Variants in ZNF844 observed in about 807,000 individuals in gnomAD.
ZNF844 encodes the protein zinc finger protein 844.
ZNF844 carries 11 observed loss-of-function variants against 11.4 expected under a neutral mutation model. The ratio of observed to expected loss-of-function variants is 0.97; its 90% CI spans 0.61 to 1.60. ZNF844 has a LOEUF of 1.60. Ranked by LOEUF, ZNF844 falls within the 40% of genes most tolerant of loss-of-function variation. The pLI is 0.00. For synonymous variants in ZNF844, 248 were observed against 260.3 expected (o/e 0.95, Z 0.46); for missense variants, 790 against 796.8 (o/e 0.99, Z 0.10).
chr19:12,079,705 G>A lies in ZNF844; in HGVS notation c.*2584G>A, dbSNP rs1173020784. 6.6e-6 allele frequency: 1 copy of A among 152,068 alleles called. No individual in the cohort carries two copies. The highest frequency in any genetic ancestry group is 1.5e-5 in the Non-Finnish European group (1 of 68,170). The allele number at this position is 152,068 out of a possible 1,614,324, so 9.4% of individuals were successfully genotyped here. A position where few individuals can be genotyped will look rare whatever the true frequency, so the allele number is the denominator to read the frequency against. ...CACGCCTGTAATCCCAGCACTTTGG[G>A]AGACCAAGGCAGGCAGATCACCTGA... On this transcript the variant is annotated 3_prime_UTR_variant, in exon 4 of 4. Coordinates refer to ENST00000439326, the MANE Select transcript of ZNF844 (RefSeq NM_001136501.3).
In ZNF844 at chr19:12,078,299, AT is replaced by A. The variant is rs1367710478; in HGVS notation, c.*1179del. ...GCACCACCACACTTGGCTAATTTTTATATTTTTAGTAGAGATGAGGTCTCAC... is the reference window on the plus strand; with the variant it reads ...GCACCACCACACTTGGCTAATTTTTAATTTTTAGTAGAGATGAGGTCTCAC... On this transcript the variant is annotated 3_prime_UTR_variant, in exon 4 of 4. Coordinates refer to ENST00000439326, the MANE Select transcript of ZNF844 (RefSeq NM_001136501.3). 1 of 151,826 alleles carries A rather than the reference AT, an allele frequency of 6.6e-6. No homozygotes were observed. Among genetic ancestry groups the A allele is most frequent in the African/African-American group, 2.4e-5 (1 of 41,280 alleles). The allele number at this position is 151,826 out of a possible 1,614,324, so 9.4% of individuals were successfully genotyped here.
intron 1 of ZNF844, among the ~76,000 whole-genome samples, chr19:12,069,463 G>A (rs1354253374): frequency 6.6e-6 from 1 of 151,528 alleles, no homozygotes; most frequent in East Asian, 2.0e-4. Context: ...GAATTAACAG[G>A]GGTGAGCCAT....
intron 1 of ZNF844, among the ~76,000 whole-genome samples, chr19:12,069,497 A>C (rs1438811213): frequency 6.6e-6 from 1 of 151,774 alleles, no homozygotes; most frequent in African/African-American, 2.4e-5. Context: ...GAATGACTTT[A>C]TTCTAAAGGA....
chr19:12,077,149 A>G lies in ZNF844; in HGVS notation c.*28A>G, dbSNP rs373837743. 1.2e-5 allele frequency: 19 copies of G among 1,603,070 alleles called. No individual in the cohort carries two copies. The highest frequency in any genetic ancestry group is 1.5e-5 in the Non-Finnish European group (18 of 1,174,854). On this transcript the variant is annotated 3_prime_UTR_variant, in exon 4 of 4. Coordinates refer to ENST00000439326, the MANE Select transcript of ZNF844 (RefSeq NM_001136501.3). ...CCGTATGAATGCAAGGAATGTGGCA[A>G]AGCCTTCACTTCTTCTGGTTCCTTT...
Position 12,077,179 on chromosome 19 carries a change from GTCATAAAAGGAT to G in ZNF844, c.*62_*73del. The G allele has an allele frequency of 2.5e-6, 4 of 1,598,684 alleles. No homozygotes were observed. ...TTCACTTCTTCTGGTTCCTTTCAGT[GTCATAAAAGGAT>G]TCACACTGGAGAGAAACCCTATGAG... is the stretch of plus-strand genomic sequence containing the variant. On this transcript the variant is annotated 3_prime_UTR_variant, in exon 4 of 4. Coordinates refer to ENST00000439326, the MANE Select transcript of ZNF844 (RefSeq NM_001136501.3).
At position 12,076,600 on chromosome 19, in the gene ZNF844, A is replaced by G. The variant is rs1294246899; in HGVS notation, c.1480A>G (p.Met494Val). The G allele has an allele frequency of 2.5e-6, 4 of 1,612,036 alleles. No homozygotes were observed. The highest frequency in any genetic ancestry group is 3.4e-6 in the Non-Finnish European group (4 of 1,179,258). Reference sequence around the variant, plus strand: ...ATTTTTTCCACTTCCTTTCGATATCATGAAAGGACTCACACTGGAGAGAAA... The same window carrying G: ...ATTTTTTCCACTTCCTTTCGATATCGTGAAAGGACTCACACTGGAGAGAAA... The part of the protein sequence containing the change: ...PSFFPLPFDI[M>V]KGLTLERNPM... Residue 494 changes from methionine to valine, a missense_variant, in exon 4 of 4, where the codon ATG (methionine) becomes GTG (valine). Physicochemically the swap from Met to Val is conservative, Grantham distance 21 (BLOSUM62 1). This residue lies in a region of ZNF844 where 657 missense variants were observed against 636.2 expected (regional missense o/e 1.03). Transcript: ENST00000439326.
At chr19:12,073,098 G>A (rs1022523918) in intron 1 of ZNF844, among the ~76,000 whole-genome samples, 1 of 151,650 alleles carries the variant, frequency 6.6e-6, no homozygotes, top group African/African-American at 2.4e-5. Context: ...TTTTATCCCT[G>A]AACTTTGTCT....
intron 1 of ZNF844, among the ~76,000 whole-genome samples, chr19:12,068,407 C>A (rs1975716395): frequency 6.6e-6 from 1 of 152,156 alleles, no homozygotes; most frequent in African/African-American, 2.4e-5. Flanking sequence ...GCGGGCAGAT[C>A]ATGAGGTCAG....
intron 1 of ZNF844, among the ~76,000 whole-genome samples, chr19:12,069,883 AG>A (rs1975734435): frequency 6.9e-6 from 1 of 144,384 alleles, no homozygotes; most frequent in African/African-American, 2.6e-5. Flanking sequence ...TGAACCCAGG[AG>A]GCGGAGGTTG....
intron 1 of ZNF844, among the ~76,000 whole-genome samples, 153 bp from the exon 2 acceptor site, chr19:12,073,877 AG>A (rs1229175498): frequency 6.6e-6 from 1 of 152,232 alleles, no homozygotes; most frequent in East Asian, 1.9e-4. Flanking sequence ...TAGAGAAGAA[AG>A]TAAGTGTAGA....
In ZNF844 at chr19:12,077,329, C is replaced by T. The variant is rs1335330084; in HGVS notation, c.*208C>T. 2.1e-6 allele frequency: 2 copies of T among 958,104 alleles called. No homozygotes were observed. The highest frequency in any genetic ancestry group is 3.4e-6 in the Non-Finnish European group (2 of 591,876). The allele number at this position is 958,104 out of a possible 1,614,324, so 59.4% of individuals were successfully genotyped here. ...AAGCAATGTGGAAAAGCCTTTATTT[C>T]TTTCAGTTCCATTCAGTACCATGAA... On this transcript the variant is annotated 3_prime_UTR_variant, in exon 4 of 4. Coordinates refer to ENST00000439326, the MANE Select transcript of ZNF844 (RefSeq NM_001136501.3).
In ZNF844 at chr19:12,077,171, C is replaced by T. The variant is rs1165943352; in HGVS notation, c.*50C>T. The T allele has an allele frequency of 6.2e-7, 1 of 1,604,256 alleles. No individual in the cohort carries two copies. Among genetic ancestry groups the T allele is most frequent in the South Asian group, 1.1e-5 (1 of 89,842 alleles). ...GCAAAGCCTTCACTTCTTCTGGTTCCTTTCAGTGTCATAAAAGGATTCACA... is the reference window on the plus strand; with the variant it reads ...GCAAAGCCTTCACTTCTTCTGGTTCTTTTCAGTGTCATAAAAGGATTCACA... On this transcript the variant is annotated 3_prime_UTR_variant, in exon 4 of 4. Transcript: ENST00000439326.
intron 1 of ZNF844, 112 bp downstream of exon 1, chr19:12,064,988 C>T (rs569089380): frequency 1.3e-5 from 16 of 1,238,938 alleles, no homozygotes; most frequent in Non-Finnish European, 1.8e-5. Flanking sequence ...CGCGGCGACT[C>T]GAGGTCTGGG....
intron 1 of ZNF844, among the ~76,000 whole-genome samples, chr19:12,071,696 G>A (rs941673814): frequency 1.2e-4 from 16 of 136,138 alleles, no homozygotes; most frequent in Non-Finnish European, 1.6e-5. Flanking sequence ...AATCAATTAG[G>A]TTTTTTTTTT....
Position 12,067,983 on chromosome 19 carries a change from G to GGAAGGAAA in ZNF844, c.3+3110_3+3111insGGAAAGAA, listed in dbSNP as rs1212394922. On this transcript the variant is annotated intron_variant, in intron 1 of 3. Coordinates refer to ENST00000439326, the MANE Select transcript of ZNF844 (RefSeq NM_001136501.3). ...AAGAAGGAAGGAAGGAAGGAAGGAA[G>GGAAGGAAA]GAAAGAAAATTAAAAATTAATTTAA... Among the ~76,000 whole-genome samples the GGAAGGAAA allele has an allele frequency of 6.1e-3, 794 of 129,126 alleles. 18 individuals carry two copies. The highest frequency in any genetic ancestry group is 0.026 in the African/African-American group (750 of 29,238). 84.7% of individuals were successfully genotyped at this position (129,126 alleles called of 152,430 possible).
chr19:12,075,399 C>T lies in ZNF844; in HGVS notation c.279C>T (p.Asn93=). 1 of 1,598,354 alleles carries T rather than the reference C, an allele frequency of 6.3e-7. No individual in the cohort carries two copies. The highest frequency in any genetic ancestry group is 8.5e-7 in the Non-Finnish European group (1 of 1,173,260). Residue 93 remains asparagine (N), a synonymous_variant, in exon 4 of 4, where the codon AAC becomes AAT. Coordinates refer to ENST00000439326, the MANE Select transcript of ZNF844 (RefSeq NM_001136501.3). ...GCCAGATTCCAGATGACACACTGAA[C>T]AAAAAAACTTCTCCTGGAGTAAAAT... The part of the protein sequence containing the change: ...TSSQIPDDTL[N]KKTSPGVKSC...
intron 1 of ZNF844, chr19:12,070,144 A>G (rs1404268013): frequency 1.3e-5 from 2 of 151,656 alleles, no homozygotes; most frequent in African/African-American, 4.8e-5. Flanking sequence ...CGTAAAAAAA[A>G]AAAAAAAAGA....
At position 12,074,436 on chromosome 19, in the gene ZNF844, C is replaced by A. The variant is rs746084019; in HGVS notation, c.191+15C>A. The A allele has an allele frequency of 6.6e-7, 1 of 1,509,444 alleles. No individual in the cohort carries two copies. Among genetic ancestry groups the A allele is most frequent in the South Asian group, 1.3e-5 (1 of 78,180 alleles). 93.5% of individuals were successfully genotyped at this position (1,509,444 alleles called of 1,614,324 possible). ...AATAATCTAAGGTGATTTAAACTCA[C>A]GAGACAAAGCAATGTCTCTCTAGAA... is the stretch of plus-strand genomic sequence containing the variant. On this transcript the variant is annotated intron_variant, in intron 3 of 3. Coordinates refer to ENST00000439326, the MANE Select transcript of ZNF844 (RefSeq NM_001136501.3).
rs540641971 is a variant in ZNF844, at chr19:12,074,168, C to G, written c.130+11C>G. ...ATCTGGCCTCCATAGGTAAGAATGA[C>G]AGTATTACGTCCCCCAGTGAATGAG... On this transcript the variant is annotated intron_variant, in intron 2 of 3. Coordinates refer to ENST00000439326, the MANE Select transcript of ZNF844 (RefSeq NM_001136501.3). The G allele has an allele frequency of 5.0e-6, 8 of 1,613,204 alleles. No individual in the cohort carries two copies. Among genetic ancestry groups the G allele is most frequent in the South Asian group, 4.4e-5 (4 of 91,016 alleles).
Sources: gnomAD v4.1 joint callset for allele counts (sites outside exome capture counted in the v4.1 genomes callset) on GRCh38, gnomAD v4.1.1 for gene constraint, gnomAD v4.1.1 regional missense constraint, MANE v1.5 for transcripts, NCBI Gene and HGNC (gene_info 2026-07-23, HGNC 2026-07-21) for gene names.